SLC25A48: variants seen among roughly 807,000 people sequenced by gnomAD.
SLC25A48 encodes the protein solute carrier family 25 member 48.
A neutral mutation model predicts 32.2 loss-of-function variants in SLC25A48; 29 were observed. That is an observed-to-expected ratio of 0.90 (90% CI 0.67 to 1.23). SLC25A48 has a LOEUF of 1.23. SLC25A48 is among the 50% of genes most tolerant of loss of function. SLC25A48 has a pLI of 0.00. For synonymous variants in SLC25A48, 164 were observed against 172.3 expected, an observed-to-expected ratio of 0.95 and a Z score of 0.38; for missense variants, 399 against 422.7, an observed-to-expected ratio of 0.94 and a Z score of 0.49.
At chr5:135,658,954 T>C (rs1169730801) in intron 3 of SLC25A48, among the ~76,000 whole-genome samples, 3 of 152,206 alleles carry the variant, frequency 2.0e-5, no homozygotes, top group Non-Finnish European at 4.4e-5. Flanking sequence ...TTTTCCCTCT[T>C]ATGCCTCTAG....
chr5:135,802,397 A>G (rs2126643768), intron 3 of SLC25A48, among the ~76,000 whole-genome samples: 1 of 151,746 alleles, frequency 6.6e-6, no homozygotes, highest in Non-Finnish European at 1.5e-5. Context: ...CTGTGAATGT[A>G]CACCATGTGC....
intron 3 of SLC25A48, among the ~76,000 whole-genome samples, chr5:135,751,358 C>T (rs555004095): frequency 9.9e-5 from 15 of 152,238 alleles, no homozygotes; most frequent in African/African-American, 3.6e-4. Context: ...GGCACTTGCT[C>T]CATATGTCAC....
intron 3 of SLC25A48, among the ~76,000 whole-genome samples, chr5:135,786,085 C>G (rs1324586026): frequency 6.6e-6 from 1 of 150,938 alleles, no homozygotes. Flanking sequence ...ATTCTAATAT[C>G]CTGGGGTGGG....
chr5:135,708,697 A>T (rs1475094622), intron 3 of SLC25A48, among the ~76,000 whole-genome samples: 1 of 152,180 alleles, frequency 6.6e-6, no homozygotes, highest in East Asian at 1.9e-4. Context: ...GCAATGGAAG[A>T]AGTGGTTGCT....
intron 3 of SLC25A48, among the ~76,000 whole-genome samples, chr5:135,680,004 A>G (rs1232572001): frequency 1.3e-5 from 2 of 152,082 alleles, no homozygotes; most frequent in Non-Finnish European, 2.9e-5. Flanking sequence ...GACCTCTGGG[A>G]GCCACTCACT....
intron 3 of SLC25A48, among the ~76,000 whole-genome samples, chr5:135,663,140 T>C (rs1444855190): frequency 6.6e-6 from 1 of 152,220 alleles, no homozygotes; most frequent in Admixed American, 6.5e-5. Context: ...CATTGCTCAC[T>C]GAATAAAATT....
chr5:135,589,187 A>T (rs535503289), intron 1 of SLC25A48, among the ~76,000 whole-genome samples: 1 of 152,340 alleles, frequency 6.6e-6, no homozygotes, highest in South Asian at 2.1e-4. Context: ...AGGGAGGTTT[A>T]AAAGGTCCTG....
intron 4 of SLC25A48, among the ~76,000 whole-genome samples, chr5:135,857,134 T>C (rs1037168378): frequency 7.9e-5 from 12 of 152,244 alleles, no homozygotes; most frequent in African/African-American, 2.9e-4. Context: ...AATACTTTCC[T>C]TAAGAAGGTC....
chr5:135,768,997 AG>A (rs1489901569), intron 3 of SLC25A48, among the ~76,000 whole-genome samples: 3 of 151,706 alleles, frequency 2.0e-5, no homozygotes, highest in African/African-American at 7.3e-5. Context: ...CCAATATTTC[AG>A]GGGGTGTACA....
intron 3 of SLC25A48, among the ~76,000 whole-genome samples, chr5:135,747,814 G>A (rs1053340553): frequency 1.3e-5 from 2 of 152,176 alleles, no homozygotes; most frequent in Admixed American, 6.5e-5. Flanking sequence ...TTGTGCTTTC[G>A]TGTGAATTAC....
chr5:135,832,944 G>A (rs1580937246), upstream of SLC25A48, among the ~76,000 whole-genome samples: 1 of 152,358 alleles, frequency 6.6e-6, no homozygotes, highest in South Asian at 2.1e-4. Context: ...TCTCCCGAGT[G>A]TAGAATGCAA....
At chr5:135,871,333 G>A (rs1761626062) in intron 4 of SLC25A48, 128 bp from the exon 5 acceptor site, 2 of 1,178,238 alleles carry the variant, frequency 1.7e-6, no homozygotes, top group Non-Finnish European at 2.3e-6. Context: ...AAGAAGGTCA[G>A]ATTTGGTAAA....
At chr5:135,732,600 T>C (rs573520653) in intron 3 of SLC25A48, among the ~76,000 whole-genome samples, 2 of 152,206 alleles carry the variant, frequency 1.3e-5, no homozygotes, top group South Asian at 2.1e-4. Context: ...TCCTTAAGGA[T>C]AGATTTCCAC....
chr5:135,613,034 T>C (rs2126892421), intron 1 of SLC25A48, among the ~76,000 whole-genome samples: 1 of 152,326 alleles, frequency 6.6e-6, no homozygotes, highest in East Asian at 1.9e-4. Flanking sequence ...TAATTTATGT[T>C]CCTACCAACA....
chr5:135,879,607 A>T (rs796890790), intron 6 of SLC25A48, among the ~76,000 whole-genome samples: 15,641 of 137,282 alleles, frequency 0.11, 918 homozygotes, highest in African/African-American at 0.14. Flanking sequence ...AGAGAGAGAG[A>T]GAGAGTGTGT....
chr5:135,615,922 C>T (rs974445810), intron 1 of SLC25A48, among the ~76,000 whole-genome samples: 5 of 152,240 alleles, frequency 3.3e-5, no homozygotes, highest in Admixed American at 3.3e-4. Context: ...TGCATCTCAG[C>T]TGCTCCAGCT....
At chr5:135,760,348 C>T (rs1325906233) in intron 3 of SLC25A48, among the ~76,000 whole-genome samples, 1 of 152,164 alleles carries the variant, frequency 6.6e-6, no homozygotes. Flanking sequence ...GGTGTGGCGG[C>T]TTCTGCCTGT....
chr5:135,712,337 G>A (rs11739215), intron 3 of SLC25A48, among the ~76,000 whole-genome samples: 61,209 of 151,984 alleles, frequency 0.4, 13,310 homozygotes, highest in Non-Finnish European at 0.49. Context: ...ATCATAAAGC[G>A]GGAGTATGTC....
intron 3 of SLC25A48, among the ~76,000 whole-genome samples, chr5:135,669,432 T>C (rs535944238): frequency 6.6e-6 from 1 of 152,158 alleles, no homozygotes; most frequent in East Asian, 1.9e-4. Flanking sequence ...GGGGGAGGGA[T>C]GTGAAACAGA....
Sources: gnomAD v4.1 joint callset for allele counts (sites outside exome capture counted in the v4.1 genomes callset) on GRCh38, gnomAD v4.1.1 for gene constraint, MANE v1.5 for transcripts, NCBI Gene and HGNC (gene_info 2026-07-23, HGNC 2026-07-21) for gene names.